Variants in ZNF667 observed in about 807,000 individuals in gnomAD.
The protein encoded by ZNF667 is zinc finger protein 667.
In ZNF667, 13 loss-of-function variants were observed where a neutral mutation model predicts 31.8. That is an observed-to-expected ratio of 0.41 (90% CI 0.27 to 0.65). The LOEUF (loss-of-function observed/expected upper bound fraction) is 0.65. Among genes scored for constraint, ZNF667 ranks in the 30% least tolerant of loss-of-function variants. The pLI, the probability that ZNF667 is intolerant of heterozygous loss-of-function variation, is 0.32. For synonymous variants in ZNF667, 228 were observed against 247.1 expected (o/e 0.92, Z 0.73); for missense variants, 642 against 725.6 (o/e 0.88, Z 1.32).
intron 1 of ZNF667, 90 bp downstream of exon 1, chr19:56,477,182 C>T (rs758250612): frequency 6.6e-6 from 1 of 152,298 alleles, no homozygotes; most frequent in Non-Finnish European, 1.5e-5. Flanking sequence ...GATGCGCAAA[C>T]CCACGCGCGC....
chr19:56,477,968 C>T (rs953568701), upstream of ZNF667: 1 of 152,404 alleles, frequency 6.6e-6, no homozygotes, highest in Non-Finnish European at 1.5e-5. Flanking sequence ...CTGTCCGGGT[C>T]GGAGATGAAC....
chr19:56,460,365 G>A (rs562600495), intron 5 of ZNF667, among the ~76,000 whole-genome samples: 15 of 152,308 alleles, frequency 9.8e-5, no homozygotes, highest in African/African-American at 3.6e-4. Flanking sequence ...CAGAGAGATA[G>A]AAAGTGGACT....
chr19:56,469,868 AT>A (rs766611422), intron 3 of ZNF667: 15 of 461,042 alleles, frequency 3.3e-5, no homozygotes, highest in African/African-American at 2.8e-4. Flanking sequence ...TTTGTAATAA[AT>A]ATTAACTTTC....
chr19:56,466,041 T>TCTC, intron 3 of ZNF667, among the ~76,000 whole-genome samples: 1 of 152,128 alleles, frequency 6.6e-6, no homozygotes, highest in Non-Finnish European at 1.5e-5. Context: ...GGACACTGAG[T>TCTC]CTCTAATGGG....
At chr19:56,466,886 C>G in intron 3 of ZNF667, 1 of 412,358 alleles carries the variant, frequency 2.4e-6, no homozygotes, top group South Asian at 1.8e-5. Flanking sequence ...AATGACAGCT[C>G]CTTACAGTTT....
At chr19:56,450,075 G>A (rs1216588026) in intron 6 of ZNF667, among the ~76,000 whole-genome samples, 2 of 151,978 alleles carry the variant, frequency 1.3e-5, no homozygotes. Context: ...TAGTAACAGA[G>A]AACTTTCCAA....
Position 56,441,529 on chromosome 19 carries a change from T to C in ZNF667, c.1466A>G (p.His489Arg), listed in dbSNP as rs774304107. The C allele has an allele frequency of 1.2e-6, 2 of 1,614,234 alleles. No individual in the cohort carries two copies. The highest frequency in any genetic ancestry group is 1.3e-5 in the African/African-American group (1 of 75,052). ...TCTATCTTCAGTATGAATTCTCTTA[T>C]GTCGTGTGAGAGATATTCGGTGGCT... ...AFSHRISLTRHKRIHTEDRPY... is the reference protein window; with the variant it reads ...AFSHRISLTRRKRIHTEDRPY... Residue 489 changes from histidine (H) to arginine (R), a missense_variant, in exon 7 of 7, where the codon CAT (histidine) becomes CGT (arginine). His to Arg is a conservative substitution (Grantham distance 29). Coordinates refer to ENST00000504904, the MANE Select transcript of ZNF667 (RefSeq NM_001321356.2). This position sits in a 1 kb window ranked among gnomAD's most constrained non-coding sequence, Gnocchi z 4.2.
intron 6 of ZNF667, among the ~76,000 whole-genome samples, chr19:56,453,288 A>G (rs1222575848): frequency 6.6e-6 from 1 of 152,168 alleles, no homozygotes; most frequent in Non-Finnish European, 1.5e-5. Context: ...GTTTTACCAA[A>G]TACTTAAAAA....
chr19:56,467,562 G>A (rs1336523452), intron 3 of ZNF667, among the ~76,000 whole-genome samples: 3 of 152,082 alleles, frequency 2.0e-5, no homozygotes, highest in Non-Finnish European at 4.4e-5. Context: ...AGAGCTTGAG[G>A]TCTCAGCCCC....
rs2042579612 is a variant in ZNF667, at chr19:56,440,502, T to C, written c.*660A>G. ...GTTCCTTATATTTGATAATTCTAGA[T>C]CTGAGAAACAGACTCAAATTCTTTT... On this transcript the variant is annotated 3_prime_UTR_variant, in exon 7 of 7. Transcript: ENST00000504904. 2.6e-6 allele frequency: 2 copies of C among 782,364 alleles called. No individual in the cohort carries two copies. Among genetic ancestry groups the C allele is most frequent in the African/African-American group, 3.8e-5 (2 of 53,108 alleles). 48.5% of individuals were successfully genotyped at this position (782,364 alleles called of 1,614,324 possible).
In ZNF667 at chr19:56,439,537, G is replaced by C. The variant is rs2042560952; in HGVS notation, c.*1625C>G. On this transcript the variant is annotated 3_prime_UTR_variant, in exon 7 of 7. Coordinates refer to ENST00000504904, the MANE Select transcript of ZNF667 (RefSeq NM_001321356.2). ...ACAACAATTTACTTCTCACAGTTCT[G>C]AAGTCTGGAAGTCTGAGAACAGGTC... 1 of 152,264 alleles carries C rather than the reference G, an allele frequency of 6.6e-6. No individual in the cohort carries two copies. The highest frequency in any genetic ancestry group is 1.5e-5 in the Non-Finnish European group (1 of 68,074). The allele number at this position is 152,264 out of a possible 1,614,324, so 9.4% of individuals were successfully genotyped here.
chr19:56,474,037 G>C lies in ZNF667; in HGVS notation c.-574C>G, dbSNP rs926028521. 6.6e-6 allele frequency: 1 copy of C among 152,188 alleles called. No individual in the cohort carries two copies. The highest frequency in any genetic ancestry group is 2.4e-5 in the African/African-American group (1 of 41,442). The allele number at this position is 152,188 out of a possible 1,614,324, so 9.4% of individuals were successfully genotyped here. A position where few individuals can be genotyped will look rare whatever the true frequency, so the allele number is the denominator to read the frequency against. ...CACATCAAGGCAGGGCTGTAAACCT[G>C]GCTCGTCTTCCGAGTCCCTGATGAT... On this transcript the variant is annotated 5_prime_UTR_variant, in exon 2 of 7. Transcript: ENST00000504904.
chr19:56,469,887 A>T (rs1367312562), intron 3 of ZNF667: 2 of 474,814 alleles, frequency 4.2e-6, no homozygotes, highest in South Asian at 3.0e-5. Flanking sequence ...TTCTTTACCA[A>T]CACTTTTTCA....
chr19:56,452,316 C>T (rs1192775892), intron 6 of ZNF667, among the ~76,000 whole-genome samples: 4 of 152,096 alleles, frequency 2.6e-5, no homozygotes, highest in Non-Finnish European at 4.4e-5. Context: ...TCCCAAAGTG[C>T]TGGGATTATA....
chr19:56,442,116 T>C lies in ZNF667; in HGVS notation c.879A>G (p.Lys293=), dbSNP rs1234214986. Residue 293 remains lysine (K), a synonymous_variant, in exon 7 of 7, where the codon AAA becomes AAG. Coordinates refer to ENST00000504904, the MANE Select transcript of ZNF667 (RefSeq NM_001321356.2). ...TTCTTTTATGTACAACAAAGACTGA[T>C]TTCTTTTTGAAGCCTCTCCCACATT... ...YNKCGRGFKK[K]SVFVVHKRIH... 4 of 1,613,584 alleles carry C rather than the reference T, an allele frequency of 2.5e-6. No homozygotes were observed. The highest frequency in any genetic ancestry group is 2.2e-5 in the South Asian group (2 of 90,916).
chr19:56,472,955 A>T (rs2043324765), intron 2 of ZNF667: 1 of 152,272 alleles, frequency 6.6e-6, no homozygotes, highest in African/African-American at 2.4e-5. Context: ...ATTCTTATCC[A>T]GTGCTGGAGG....
rs61740675 is a variant in ZNF667 at position 56,441,408 on chromosome 19, G to A, written c.1587C>T (p.Cys529=). ...GACTAAAGGCCTTACCACATGTTTT[G>A]CATGTATATGGCTTCTCTCCAGTGT... is the stretch of plus-strand genomic sequence containing the variant. ...RIHTGEKPYT[C]KTCGKAFSQR... is the part of the protein sequence containing the mutation. Residue 529 remains cysteine, a synonymous_variant, in exon 7 of 7, where the codon TGC becomes TGT. Coordinates refer to ENST00000504904, the MANE Select transcript of ZNF667 (RefSeq NM_001321356.2). This position sits in a 1 kb window ranked among gnomAD's most constrained non-coding sequence, Gnocchi z 4.2. 1,680 of 1,614,108 alleles carry A rather than the reference G, an allele frequency of 1.0e-3. 16 individuals are homozygous for A. The African/African-American group carries it at 0.019, about 19-fold the overall frequency.
In ZNF667 at chr19:56,467,299, A is replaced by C. The variant is rs780542291; in HGVS notation, c.-60+4400T>G. On this transcript the variant is annotated intron_variant, in intron 3 of 6. Coordinates refer to ENST00000504904, the MANE Select transcript of ZNF667 (RefSeq NM_001321356.2). ...ACATCCTAATCTCCAGAACCCATGA[A>C]TATGGCACCTTACACAGCAAAAGGA... Among the ~76,000 whole-genome samples the C allele has an allele frequency of 7.4e-4, 112 of 152,298 alleles. 1 individual carries two copies. The highest frequency in any genetic ancestry group is 1.2e-3 in the Admixed American group (19 of 15,294).
chr19:56,450,145 A>C (rs972840197), intron 6 of ZNF667, among the ~76,000 whole-genome samples: 7 of 152,166 alleles, frequency 4.6e-5, no homozygotes, highest in Admixed American at 1.3e-4. Context: ...AAGCAGCTTT[A>C]ATCCAAAGAA....
Sources: gnomAD v4.1 joint callset for allele counts (sites outside exome capture counted in the v4.1 genomes callset) on GRCh38, gnomAD v4.1.1 for gene constraint, Gnocchi (gnomAD v3.1) non-coding constraint, MANE v1.5 for transcripts, NCBI Gene and HGNC (gene_info 2026-07-23, HGNC 2026-07-21) for gene names.